The following EFNA5 variants were observed in gnomAD, a reference collection of about 807,000 sequenced individuals.
The protein encoded by EFNA5 is ephrin-A5.
Under a neutral mutation model 22.9 loss-of-function variants are expected in EFNA5, and 5 were observed. The observed-to-expected ratio is 0.22, with a 90% CI of 0.11 to 0.46. The LOEUF (loss-of-function observed/expected upper bound fraction) is 0.46. EFNA5 is among the 20% of genes least tolerant of loss of function. The probability of loss-of-function intolerance (pLI) is 0.99; values close to 1 mark genes in which losing one functional copy is unlikely to be tolerated. For synonymous variants in EFNA5, 113 were observed against 112.2 expected (o/e 1.01, Z -0.04); for missense variants, 237 against 293.3 (o/e 0.81, Z 1.40).
intron 1 of EFNA5, among the ~76,000 whole-genome samples, chr5:107,641,500 T>G (rs1267647537): frequency 4.6e-5 from 7 of 152,178 alleles, no homozygotes; most frequent in Admixed American, 3.9e-4. Flanking sequence ...AATCACTGTA[T>G]GCACAAGAGC....
intron 1 of EFNA5, among the ~76,000 whole-genome samples, chr5:107,669,926 A>G (rs1751151488): frequency 6.6e-6 from 1 of 151,594 alleles, no homozygotes; most frequent in Non-Finnish European, 1.5e-5. Context: ...GCAGTTGAAG[A>G]GGAAAATAAA....
At chr5:107,610,967 C>T (rs1032384888) in intron 1 of EFNA5, among the ~76,000 whole-genome samples, 1 of 152,144 alleles carries the variant, frequency 6.6e-6, no homozygotes, top group Non-Finnish European at 1.5e-5. Context: ...ATACCACTGG[C>T]GCTGTTCAGA....
intron 1 of EFNA5, among the ~76,000 whole-genome samples, chr5:107,496,017 C>T (rs1746970264): frequency 6.6e-6 from 1 of 151,998 alleles, no homozygotes; most frequent in South Asian, 2.1e-4. Flanking sequence ...CTAACGTCAA[C>T]CCAATTTCCC....
intron 1 of EFNA5, among the ~76,000 whole-genome samples, chr5:107,559,831 C>G (rs188898884): frequency 9.1e-4 from 139 of 152,244 alleles, no homozygotes; most frequent in African/African-American, 3.3e-3. Context: ...GAGCAATTAT[C>G]CTTTGGGGAG....
rs186087046 is a variant in EFNA5 at position 107,465,237 on chromosome 5, G to C, written c.126-37728C>G. ...CACTTCTTTCCAAGGCCCTGCGAAG[G>C]CCGTCTTTTCTTGCATACTGGAAAG... On this transcript the variant is annotated intron_variant, in intron 1 of 4. Coordinates refer to ENST00000333274, the MANE Select transcript of EFNA5 (RefSeq NM_001962.3). Among the ~76,000 whole-genome samples the C allele has an allele frequency of 1.7e-4, 26 of 152,240 alleles. No individual in the cohort carries two copies. In the East Asian group the frequency reaches 5.0e-3, roughly 29 times the overall value.
intron 2 of EFNA5, among the ~76,000 whole-genome samples, chr5:107,394,643 C>G (rs252820): frequency 0.53 from 80,705 of 151,966 alleles, 22,645 homozygotes; most frequent in Non-Finnish European, 0.63. Flanking sequence ...CCACTGTTTG[C>G]CTTCCCTCCT....
chr5:107,432,403 A>T (rs1429165643), intron 1 of EFNA5, among the ~76,000 whole-genome samples: 1 of 152,174 alleles, frequency 6.6e-6, no homozygotes, highest in Non-Finnish European at 1.5e-5. Flanking sequence ...ATATTTGTAA[A>T]TTTCTTGGAA....
At chr5:107,620,859 A>G (rs985403557) in intron 1 of EFNA5, among the ~76,000 whole-genome samples, 5 of 152,218 alleles carry the variant, frequency 3.3e-5, no homozygotes, top group African/African-American at 9.6e-5. Flanking sequence ...GCAAAGAAGC[A>G]GGAATAACTA....
chr5:107,503,176 T>C (rs531385799), intron 1 of EFNA5, among the ~76,000 whole-genome samples: 98 of 152,286 alleles, frequency 6.4e-4, no homozygotes, highest in African/African-American at 2.2e-3. Context: ...ACTTGTCTAC[T>C]ATGCAGGATC....
intron 1 of EFNA5, among the ~76,000 whole-genome samples, chr5:107,560,971 A>G (rs536782295): frequency 3.3e-5 from 5 of 152,202 alleles, no homozygotes; most frequent in Admixed American, 6.5e-5. Context: ...TTCAACCAAC[A>G]GGCAACTACT....
chr5:107,455,737 AT>A (rs1749682881), intron 1 of EFNA5, among the ~76,000 whole-genome samples: 1 of 152,088 alleles, frequency 6.6e-6, no homozygotes, highest in Non-Finnish European at 1.5e-5. Flanking sequence ...GGCACCCAGA[AT>A]GTCTCTTTCT....
intron 1 of EFNA5, among the ~76,000 whole-genome samples, chr5:107,538,025 T>C (rs1747963297): frequency 1.3e-5 from 2 of 152,312 alleles, no homozygotes; most frequent in Admixed American, 1.3e-4. Flanking sequence ...GGCTATTTTA[T>C]AGGGTGGACC....
At chr5:107,398,672 C>A (rs1747994644) in intron 2 of EFNA5, among the ~76,000 whole-genome samples, 1 of 151,658 alleles carries the variant, frequency 6.6e-6, no homozygotes, top group Non-Finnish European at 1.5e-5. Context: ...CGTGGCAAGA[C>A]CCTGTCTCTA....
At chr5:107,448,831 C>CAATAAATA (rs57639319) in intron 1 of EFNA5, among the ~76,000 whole-genome samples, 23,247 of 127,748 alleles carry the variant, frequency 0.18, 2,372 homozygotes, top group South Asian at 0.29. Flanking sequence ...CTCTGTCTCA[C>CAATAAATA]AATAAATAAA....
rs1055446200 is a variant in EFNA5 at position 107,508,674 on chromosome 5, C to T, written c.126-81165G>A. Among the ~76,000 whole-genome samples the T allele has an allele frequency of 3.9e-5, 6 of 152,270 alleles. No homozygotes were observed. The South Asian group carries it at 1.0e-3, about 26-fold the overall frequency. On this transcript the variant is annotated intron_variant, in intron 1 of 4. Coordinates refer to ENST00000333274, the MANE Select transcript of EFNA5 (RefSeq NM_001962.3). ...TCTTAATTAAATAGACTTCTAAAAA[C>T]TAAGTGTAAGTCAAGCTTGAACCAT...
At chr5:107,504,988 G>A (rs1301204370) in intron 1 of EFNA5, among the ~76,000 whole-genome samples, 1 of 151,972 alleles carries the variant, frequency 6.6e-6, no homozygotes, top group African/African-American at 2.4e-5. Flanking sequence ...ATGTATAAAA[G>A]GTAGCCTTTG....
chr5:107,472,806 A>G (rs181180545), intron 1 of EFNA5, among the ~76,000 whole-genome samples: 13 of 152,360 alleles, frequency 8.5e-5, no homozygotes, highest in Admixed American at 6.5e-4. Flanking sequence ...CTAGAATGAC[A>G]AACAGATAGA....
intron 1 of EFNA5, among the ~76,000 whole-genome samples, chr5:107,572,668 G>C (rs1470291507): frequency 6.6e-6 from 1 of 152,056 alleles, no homozygotes; most frequent in Non-Finnish European, 1.5e-5. Context: ...TTCAAACAAC[G>C]GGATGGAATT....
intron 2 of EFNA5, among the ~76,000 whole-genome samples, chr5:107,418,830 G>C (rs1748578266): frequency 6.6e-6 from 1 of 152,108 alleles, no homozygotes; most frequent in Non-Finnish European, 1.5e-5. Flanking sequence ...GGTGATATCT[G>C]CTCTATTTTC....
Sources: gnomAD v4.1 joint callset for allele counts (sites outside exome capture counted in the v4.1 genomes callset) on GRCh38, gnomAD v4.1.1 for gene constraint, MANE v1.5 for transcripts, NCBI Gene and HGNC (gene_info 2026-07-23, HGNC 2026-07-21) for gene names.